WDR27: variants seen among roughly 807,000 people sequenced by gnomAD.
WDR27 encodes the protein WD repeat domain 27, also known as WD repeat-containing protein 27.
Under a neutral mutation model 114.4 loss-of-function variants are expected in WDR27, and 100 were observed. The ratio of observed to expected loss-of-function variants is 0.87; its 90% CI spans 0.74 to 1.03. The LOEUF (loss-of-function observed/expected upper bound fraction) is 1.03, where lower values mean the gene tolerates loss of function less well. Ranked by LOEUF, WDR27 falls within the 50% of genes least tolerant of loss-of-function variation. WDR27 has a pLI of 0.00. For missense variants in WDR27, 1,129 were observed against 1,092.9 expected (o/e 1.03, Z -0.47); for synonymous variants, 449 against 423.1 (o/e 1.06, Z -0.75).
At chr6:169,462,006 C>A (rs1784967517) in intron 25 of WDR27, among the ~76,000 whole-genome samples, 1 of 151,902 alleles carries the variant, frequency 6.6e-6, no homozygotes, top group South Asian at 2.1e-4. Context: ...GTACTATTAA[C>A]AATTGTATGC....
At chr6:169,664,358 G>A in intron 7 of WDR27, 72 bp from the exon 8 acceptor site, 1 of 1,606,340 alleles carries the variant, frequency 6.2e-7, no homozygotes, top group South Asian at 1.1e-5. Flanking sequence ...AACACCAGAG[G>A]TGGAGCAGGG....
chr6:169,509,716 A>G (rs1349643492), intron 25 of WDR27, among the ~76,000 whole-genome samples: 5 of 152,246 alleles, frequency 3.3e-5, no homozygotes, highest in Admixed American at 2.6e-4. Context: ...GGACATAGGC[A>G]TGGGCAAGGA....
intron 16 of WDR27, among the ~76,000 whole-genome samples, chr6:169,645,847 G>GA (rs201665458): frequency 3.0e-5 from 4 of 133,162 alleles, no homozygotes; most frequent in African/African-American, 1.3e-4. Context: ...TAGTTCACAG[G>GA]GTCACACTGT....
intron 2 of WDR27, among the ~76,000 whole-genome samples, chr6:169,680,167 G>A (rs1168050398): frequency 6.6e-6 from 1 of 152,194 alleles, no homozygotes; most frequent in East Asian, 1.9e-4. Context: ...ACTTCAGGCA[G>A]AAGGAAAATG....
At chr6:169,564,734 G>A (rs1173021426) in intron 25 of WDR27, among the ~76,000 whole-genome samples, 1 of 151,970 alleles carries the variant, frequency 6.6e-6, no homozygotes, top group Non-Finnish European at 1.5e-5. Context: ...CATCTGCCCT[G>A]GGAGTGGCCC....
chr6:169,586,514 T>C (rs1804598332), intron 23 of WDR27, among the ~76,000 whole-genome samples: 1 of 152,062 alleles, frequency 6.6e-6, no homozygotes, highest in Non-Finnish European at 1.5e-5. Flanking sequence ...GGTGTTAAAC[T>C]CATTGGGTTC....
chr6:169,520,945 C>A (rs1794306135), intron 25 of WDR27, among the ~76,000 whole-genome samples: 1 of 151,938 alleles, frequency 6.6e-6, no homozygotes. Context: ...ACAAGTTGAA[C>A]AAGAACAAGG....
At chr6:169,696,174 G>A (rs779181732) in intron 1 of WDR27, among the ~76,000 whole-genome samples, 9 of 152,158 alleles carry the variant, frequency 5.9e-5, no homozygotes, top group Non-Finnish European at 1.0e-4. Context: ...GAAACGAAAT[G>A]ACAATTCCCT....
rs527429506 is a variant in WDR27 at position 169,651,739 on chromosome 6, G to A, written c.1481+191C>T. ...AGCACATGGTGAATGCTCAGGAAAC[G>A]TTTGCTGCTGCAGCTGCTGCTAACT... On this transcript the variant is annotated intron_variant, in intron 14 of 25. Coordinates refer to ENST00000448612, the MANE Select transcript of WDR27 (RefSeq NM_182552.5). 1.6e-4 allele frequency among the ~76,000 whole-genome samples: 24 copies of A among 152,286 alleles called. No homozygotes were observed. In the South Asian group the frequency reaches 4.1e-3, roughly 26 times the overall value.
the WDR27 span, among the ~76,000 whole-genome samples, chr6:169,444,458 C>G: frequency 6.6e-6 from 1 of 152,142 alleles, no homozygotes; most frequent in African/African-American, 2.4e-5. Context: ...CTTTGGGATC[C>G]TTTGATGCAA....
chr6:169,699,441 G>GC (rs1199410372), intron 1 of WDR27, among the ~76,000 whole-genome samples: 2 of 152,134 alleles, frequency 1.3e-5, no homozygotes, highest in African/African-American at 4.8e-5. Flanking sequence ...AACGACAATG[G>GC]CATCACCAGC....
chr6:169,569,889 C>T (rs142675009), intron 25 of WDR27, among the ~76,000 whole-genome samples: 2,505 of 152,212 alleles, frequency 0.016, 65 homozygotes, highest in African/African-American at 0.057. Context: ...AATTGTTTAA[C>T]GACCAAAGAT....
intron 21 of WDR27, among the ~76,000 whole-genome samples, chr6:169,619,217 A>G (rs937621476): frequency 6.6e-6 from 1 of 152,230 alleles, no homozygotes; most frequent in African/African-American, 2.4e-5. Context: ...AGATTTTAAA[A>G]GAGAGGAACT....
Position 169,633,048 on chromosome 6 carries a change from G to C in WDR27, c.2122C>G (p.Arg708Gly). ...FYSHIVLAAG[R>G]NRTVEVFDLN... Reference sequence around the variant, plus strand: ...TCAAACACTTCCACGGTCCTGTTCCGGCCAGCTGCGAGTACGATGTCTGCG... The same window carrying C: ...TCAAACACTTCCACGGTCCTGTTCCCGCCAGCTGCGAGTACGATGTCTGCG... Residue 708 changes from arginine to glycine, a missense_variant, in exon 21 of 26, where the codon CGG becomes GGG. Transcript: ENST00000448612. The C allele has an allele frequency of 6.3e-7, 1 of 1,585,826 alleles. No homozygotes were observed. The highest frequency in any genetic ancestry group is 8.6e-7 in the Non-Finnish European group (1 of 1,157,832).
chr6:169,426,432 C>T, the WDR27 span: 2 of 152,062 alleles, frequency 1.3e-5, no homozygotes, highest in Non-Finnish European at 2.9e-5. Context: ...TTGACAAGCC[C>T]CTTATTAACT....
At chr6:169,658,626 GAT>G (rs951981583) in intron 12 of WDR27, among the ~76,000 whole-genome samples, 162 of 151,614 alleles carry the variant, frequency 1.1e-3, no homozygotes, top group African/African-American at 3.6e-3. Context: ...TTTTCAACAA[GAT>G]AGAAGCAACA....
intron 17 of WDR27, among the ~76,000 whole-genome samples, chr6:169,640,253 A>C (rs1818835267): frequency 6.6e-6 from 1 of 152,226 alleles, no homozygotes; most frequent in Non-Finnish European, 1.5e-5. Context: ...TGTGAATCAC[A>C]CATCACAATT....
chr6:169,664,279 A>T lies in WDR27; in HGVS notation c.791T>A (p.Ile264Asn), dbSNP rs778477260. Residue 264 changes from isoleucine (I) to asparagine (N), a missense_variant, in exon 8 of 26, where the codon ATC (isoleucine) becomes AAC (asparagine). Transcript: ENST00000448612. ...ATGGTGTCCATCCATCAAACTGAAG[A>T]TCCAAAGCTACAAAAGCAAAGAAGA... ...VTGCADGQLW[I>N]FSLMDGHHYR... is the part of the protein sequence containing the mutation. The T allele has an allele frequency of 6.2e-7, 1 of 1,613,968 alleles. No individual in the cohort carries two copies. Among genetic ancestry groups the T allele is most frequent in the East Asian group, 2.2e-5 (1 of 44,884 alleles).
chr6:169,637,710 CGT>C (rs571947255), intron 18 of WDR27, among the ~76,000 whole-genome samples: 324 of 150,456 alleles, frequency 2.2e-3, no homozygotes, highest in African/African-American at 7.3e-3. Flanking sequence ...CATCCATATG[CGT>C]GTGTGCCTAT....
Sources: allele counts gnomAD v4.1 joint callset (sites outside exome capture counted in the v4.1 genomes callset), GRCh38; gene constraint gnomAD v4.1.1; transcripts MANE v1.5; gene names NCBI Gene and HGNC (gene_info 2026-07-23, HGNC 2026-07-21).